TNRC6C: variants seen among roughly 807,000 people sequenced by gnomAD.
The protein encoded by TNRC6C is trinucleotide repeat containing adaptor 6C, also known as trinucleotide repeat-containing gene 6C protein.
A neutral mutation model predicts 153.7 loss-of-function variants in TNRC6C; 20 were observed. The ratio of observed to expected loss-of-function variants is 0.13; its 90% CI spans 0.09 to 0.19. TNRC6C has a LOEUF of 0.19. Among genes scored for constraint, TNRC6C ranks in the 10% least tolerant of loss-of-function variants. TNRC6C has a pLI of 1.00. For missense variants in TNRC6C, 1,987 were observed against 2,172.0 expected (o/e 0.91, Z 1.69); for synonymous variants, 811 against 841.4 (o/e 0.96, Z 0.63).
At chr17:77,998,077 A>G (rs1281234830) in intron 1 of TNRC6C, among the ~76,000 whole-genome samples, 4 of 152,196 alleles carry the variant, frequency 2.6e-5, no homozygotes, top group Admixed American at 1.3e-4. Flanking sequence ...TAACAAACAC[A>G]TACAACCATA....
intron 5 of TNRC6C, 47 bp downstream of exon 7, chr17:78,067,970 A>G: frequency 1.3e-6 from 2 of 1,549,024 alleles, no homozygotes; most frequent in African/African-American, 1.4e-5. Context: ...AACCAAAGGT[A>G]CTTCAGACAC....
At chr17:78,087,685 G>T (rs899265132) in intron 13 of TNRC6C, among the ~76,000 whole-genome samples, 1 of 152,122 alleles carries the variant, frequency 6.6e-6, no homozygotes, top group Non-Finnish European at 1.5e-5. Context: ...TACATTAAAA[G>T]CACTTCTTAA....
intron 11 of TNRC6C, among the ~76,000 whole-genome samples, chr17:78,085,136 C>A (rs1230144527): frequency 6.6e-6 from 1 of 152,274 alleles, no homozygotes; most frequent in South Asian, 2.1e-4. Context: ...AGGAAGATCG[C>A]TTTCTGCCAC....
chr17:78,040,986 A>C lies in TNRC6C; in HGVS notation c.-218-7859A>C, dbSNP rs539764759. 1.2e-4 allele frequency: 18 copies of C among 152,162 alleles called. No individual in the cohort carries two copies. The East Asian group carries it at 3.5e-3, about 30-fold the overall frequency. The allele number at this position is 152,162 out of a possible 1,614,324, so 9.4% of individuals were successfully genotyped here. On this transcript the variant is annotated intron_variant, in intron 2 of 19. Transcript: ENST00000301624. ...TTCCTGGCAGCTCCCTGGCAGCTCTACAGGAGGCGGCTCTCGCTGTACCCA... is the reference window on the plus strand; with the variant it reads ...TTCCTGGCAGCTCCCTGGCAGCTCTCCAGGAGGCGGCTCTCGCTGTACCCA...
At chr17:78,088,941 A>G (rs2073345948) in intron 13 of TNRC6C, among the ~76,000 whole-genome samples, 1 of 150,350 alleles carries the variant, frequency 6.7e-6, no homozygotes. Context: ...TTTGGAGGAT[A>G]AAGTACACTT....
intron 1 of TNRC6C, among the ~76,000 whole-genome samples, chr17:77,960,540 G>A (rs977474396): frequency 1.3e-5 from 2 of 152,234 alleles, no homozygotes; most frequent in Non-Finnish European, 2.9e-5. Context: ...CCTGGCTTGA[G>A]TGATTTCAGA....
Position 78,021,883 on chromosome 17 carries a change from T to C in TNRC6C, c.-545-9633T>C, listed in dbSNP as rs1402647985. Among the ~76,000 whole-genome samples the C allele has an allele frequency of 1.1e-4, 17 of 152,242 alleles. 1 individual carries two copies. The highest frequency in any genetic ancestry group is 1.1e-3 in the Admixed American group (17 of 15,286). ...CCATGCCTGGTCTATTTATTTATAA[T>C]TTTTTAATTAAAATAAAACAATACC... On this transcript the variant is annotated intron_variant, in intron 1 of 19. Transcript: ENST00000301624.
chr17:78,004,019 AG>A (rs1567909493), upstream of TNRC6C: 3 of 1,017,286 alleles, frequency 2.9e-6, no homozygotes, highest in Non-Finnish European at 3.8e-6. Context: ...CAGTGCTGTT[AG>A]GGAAGTGTCC....
intron 1 of TNRC6C, among the ~76,000 whole-genome samples, chr17:77,981,850 A>G (rs768040788): frequency 2.6e-5 from 4 of 152,236 alleles, no homozygotes; most frequent in African/African-American, 7.2e-5. Context: ...ATTGTGGTCC[A>G]CAAAGCTTAC....
chr17:78,051,956 G>A (rs2144018325), intron 3 of TNRC6C, among the ~76,000 whole-genome samples: 1 of 152,344 alleles, frequency 6.6e-6, no homozygotes, highest in East Asian at 1.9e-4. Flanking sequence ...CTCAGCCAGA[G>A]GGGCAAGGTC....
At chr17:78,005,827 A>G (rs1012035595) in intron 1 of TNRC6C, among the ~76,000 whole-genome samples, 1 of 152,190 alleles carries the variant, frequency 6.6e-6, no homozygotes, top group Non-Finnish European at 1.5e-5. Context: ...TAAAGCTGTT[A>G]CAAAGACTTA....
chr17:78,102,386 C>T (rs1404790619), intron 17 of TNRC6C, 88 bp from the exon 21 acceptor site: 13 of 1,252,544 alleles, frequency 1.0e-5, no homozygotes, highest in Non-Finnish European at 1.5e-5. Flanking sequence ...CTGTGCTGTC[C>T]CACACTTCAG....
chr17:78,003,785 C>T (rs143546626), upstream of TNRC6C, among the ~76,000 whole-genome samples: 1,319 of 152,234 alleles, frequency 8.7e-3, 13 homozygotes, highest in South Asian at 0.038. Context: ...AAAGCATGGC[C>T]AGGCTTGGTG....
At chr17:78,001,771 C>T (rs1263612069), upstream of TNRC6C, among the ~76,000 whole-genome samples, 5 of 150,636 alleles carry the variant, frequency 3.3e-5, no homozygotes, top group East Asian at 1.9e-4. Flanking sequence ...GTGGTTTTAA[C>T]GTGGGTCATG....
intron 1 of TNRC6C, among the ~76,000 whole-genome samples, chr17:77,966,872 G>A (rs182972212): frequency 1.1e-3 from 175 of 152,204 alleles, no homozygotes; most frequent in African/African-American, 3.7e-3. Context: ...AATGTTGACA[G>A]GAAAGAAGAG....
chr17:78,067,802 T>A (rs2072912004), exon 5 of TNRC6C: 2 of 1,613,462 alleles, frequency 1.2e-6, no homozygotes, highest in Admixed American at 3.3e-5. Flanking sequence ...GGGGATGAAA[T>A]GAACCTCAGT....
At chr17:78,101,012 G>A (rs1042906228) in intron 17 of TNRC6C, among the ~76,000 whole-genome samples, 8 of 152,044 alleles carry the variant, frequency 5.3e-5, no homozygotes, top group African/African-American at 7.2e-5. Flanking sequence ...CTGACCTCCC[G>A]TAATCCACCC....
At chr17:78,033,172 G>A (rs2072108129) in intron 2 of TNRC6C, among the ~76,000 whole-genome samples, 1 of 152,230 alleles carries the variant, frequency 6.6e-6, no homozygotes. Flanking sequence ...ATCTGGTTGT[G>A]ATGTGATTGG....
At chr17:78,106,276 C>T (rs1450776207) in exon 20 of TNRC6C, 1 of 151,052 alleles carries the variant, frequency 6.6e-6, no homozygotes, top group Non-Finnish European at 1.5e-5. Flanking sequence ...AGACTTCCGT[C>T]GTAAAGAAAC....
Sources: allele counts gnomAD v4.1 joint callset (sites outside exome capture counted in the v4.1 genomes callset), GRCh38; gene constraint gnomAD v4.1.1; transcripts MANE v1.5; gene names NCBI Gene and HGNC (gene_info 2026-07-23, HGNC 2026-07-21).